ITGB1: variants seen among roughly 807,000 people sequenced by gnomAD.
ITGB1 encodes the protein integrin subunit beta 1.
A neutral mutation model predicts 86.5 loss-of-function variants in ITGB1; 24 were observed. The ratio of observed to expected loss-of-function variants is 0.28; its 90% CI spans 0.20 to 0.39. ITGB1 has a LOEUF of 0.39. ITGB1 is among the 10% of genes least tolerant of loss of function. The pLI is 1.00. For missense variants in ITGB1, 556 were observed against 946.9 expected, an observed-to-expected ratio of 0.59 and a Z score of 5.42; for synonymous variants, 323 against 316.8, an observed-to-expected ratio of 1.02 and a Z score of -0.21.
chr10:32,948,646 G>C (rs2095036766), intron 1 of ITGB1, among the ~76,000 whole-genome samples: 2 of 152,310 alleles, frequency 1.3e-5, no homozygotes, highest in South Asian at 4.1e-4. Flanking sequence ...CAGGAGTGGA[G>C]AATGGGTTCC....
intron 1 of ITGB1, among the ~76,000 whole-genome samples, chr10:32,943,763 T>C (rs1019207616): frequency 2.0e-5 from 3 of 152,204 alleles, no homozygotes; most frequent in South Asian, 4.1e-4. Flanking sequence ...AGGCAGTTTA[T>C]TGGAAGGTGA....
chr10:32,947,325 T>C (rs1187068), intron 1 of ITGB1, among the ~76,000 whole-genome samples: 50,795 of 151,174 alleles, frequency 0.34, 10,849 homozygotes, highest in Non-Finnish European at 0.48. Context: ...AGAAAACTGC[T>C]AGACCAAGGT....
chr10:32,917,731 T>C (rs1219459511), intron 11 of ITGB1, among the ~76,000 whole-genome samples: 1 of 152,174 alleles, frequency 6.6e-6, no homozygotes, highest in Non-Finnish European at 1.5e-5. Context: ...TAGGTACACT[T>C]TTACACTGCT....
At chr10:32,918,248 A>C (rs2094938203) in intron 11 of ITGB1, among the ~76,000 whole-genome samples, 1 of 152,106 alleles carries the variant, frequency 6.6e-6, no homozygotes, top group African/African-American at 2.4e-5. Flanking sequence ...AATGTAAATG[A>C]CGAGTTAATG....
At position 32,922,266 on chromosome 10, in the gene ITGB1, A is replaced by T; in HGVS notation, c.1119T>A (p.Asp373Glu). The change falls in exon 9 of 16, where the codon GAT becomes GAA. Residue 373 changes from aspartate to glutamate, a missense_variant. Asp to Glu is a conservative substitution (Grantham distance 45, BLOSUM62 2). Around this residue, in one of 4 missense-constraint regions of ITGB1, gnomAD observed 330 missense variants for 531.5 expected, o/e 0.62. Transcript: ENST00000302278. ...NSSNVIQLII[D>E]AYNSLSSEVI... ...TTTAAGATGTACTCACATTGTATGC[A>T]TCAATGATCAACTGAATTACATTGC... 6.3e-7 allele frequency: 1 copy of T among 1,582,142 alleles called. No individual in the cohort carries two copies. The highest frequency in any genetic ancestry group is 8.7e-7 in the Non-Finnish European group (1 of 1,153,496).
chr10:32,904,003 CA>C (rs5784309), intron 15 of ITGB1, among the ~76,000 whole-genome samples: 19,671 of 93,600 alleles, frequency 0.21, 1,497 homozygotes, highest in East Asian at 0.3. Context: ...AAGGGAAGGA[CA>C]AAAAAAAAAA....
intron 15 of ITGB1, 74 bp from the exon 16 acceptor site, chr10:32,901,709 A>G: frequency 1.0e-6 from 1 of 997,858 alleles, no homozygotes; most frequent in South Asian, 1.4e-5. Flanking sequence ...TTATAAATCA[A>G]GACTAAAAGT....
chr10:32,951,788 T>G (rs2095043134), intron 1 of ITGB1: 1 of 152,162 alleles, frequency 6.6e-6, no homozygotes, highest in Non-Finnish European at 1.5e-5. Context: ...TGGGAACGGT[T>G]TTGGTTGAGA....
intron 3 of ITGB1, among the ~76,000 whole-genome samples, chr10:32,930,542 A>G (rs2094980083): frequency 6.6e-6 from 1 of 152,190 alleles, no homozygotes. Context: ...TGCATTTTTT[A>G]AAAGGACAAC....
Position 32,911,201 on chromosome 10 carries a change from A to G in ITGB1, c.1931+247T>C, listed in dbSNP as rs528017562. Among the ~76,000 whole-genome samples the G allele has an allele frequency of 1.3e-4, 20 of 152,348 alleles. No individual in the cohort carries two copies. In the South Asian group the frequency reaches 4.1e-3, roughly 32 times the overall value. ...TTGCCAAAATAAAGGTTACCATGTA[A>G]ATTCAATTATCTAGCACATTCAGAT... On this transcript the variant is annotated intron_variant, in intron 13 of 15. Coordinates refer to ENST00000302278, the MANE Select transcript of ITGB1 (RefSeq NM_002211.4).
At chr10:32,911,038 C>A (rs1192455247) in intron 13 of ITGB1, among the ~76,000 whole-genome samples, 1 of 152,100 alleles carries the variant, frequency 6.6e-6, no homozygotes, top group East Asian at 1.9e-4. Context: ...TGTGCTCGGC[C>A]AAAATCATAA....
intron 11 of ITGB1, among the ~76,000 whole-genome samples, chr10:32,918,246 T>C (rs1236472053): frequency 6.6e-6 from 1 of 152,048 alleles, no homozygotes; most frequent in Non-Finnish European, 1.5e-5. Context: ...CTAATGTAAA[T>C]GACGAGTTAA....
intron 6 of ITGB1, among the ~76,000 whole-genome samples, chr10:32,924,286 C>T (rs2094958396): frequency 6.6e-6 from 1 of 152,112 alleles, no homozygotes; most frequent in Non-Finnish European, 1.5e-5. Flanking sequence ...CATTCTAACT[C>T]CTCAATCAGT....
chr10:32,922,738 A>T lies in ITGB1; in HGVS notation c.943-3T>A. The stretch of plus-strand genomic sequence containing the variant: ...AGGTGAGCAATAGAAGGATAATCCT[A>T]AGAAATCAAGTAATATAATTTAGTA... On this transcript the variant is annotated splice_region_variant and splice_polypyrimidine_tract_variant and intron_variant, in intron 7 of 15. Transcript: ENST00000302278. 6.7e-7 allele frequency: 1 copy of T among 1,496,978 alleles called. No homozygotes were observed. Among genetic ancestry groups the T allele is most frequent in the Non-Finnish European group, 9.3e-7 (1 of 1,080,580 alleles). 92.7% of individuals were successfully genotyped at this position (1,496,978 alleles called of 1,614,324 possible). A position where few individuals can be genotyped will look rare whatever the true frequency, so the allele number is the denominator to read the frequency against.
At chr10:32,955,637 T>C (rs1191492460) in intron 1 of ITGB1, 1 of 152,218 alleles carries the variant, frequency 6.6e-6, no homozygotes, top group Non-Finnish European at 1.5e-5. Context: ...ACTGGCACCA[T>C]GTTAAGTTGT....
At chr10:32,907,224 T>G in intron 15 of ITGB1, 3 of 435,306 alleles carry the variant, frequency 6.9e-6, no homozygotes, top group South Asian at 2.2e-5. Flanking sequence ...ATAAATGTCT[T>G]TTTTTTTATT....
chr10:32,921,321 CAG>C (rs1449295520), intron 9 of ITGB1, among the ~76,000 whole-genome samples: 6 of 152,180 alleles, frequency 3.9e-5, no homozygotes, highest in East Asian at 3.9e-4. Flanking sequence ...TTATCTAAGA[CAG>C]GGGAGAATGG....
chr10:32,911,380 G>A, intron 13 of ITGB1, 68 bp downstream of exon 13: 2 of 1,360,396 alleles, frequency 1.5e-6, no homozygotes, highest in Non-Finnish European at 1.0e-6. Flanking sequence ...TCTGGTTCTA[G>A]AAACAATACA....
chr10:32,916,873 T>C lies in ITGB1; in HGVS notation c.1469+3012A>G, dbSNP rs568418475. Among the ~76,000 whole-genome samples, 850 of 151,902 alleles carry C rather than the reference T, an allele frequency of 5.6e-3. 17 individuals are homozygous for C. The highest frequency in any genetic ancestry group is 0.02 in the African/African-American group (817 of 41,382). On this transcript the variant is annotated intron_variant, in intron 11 of 15. Coordinates refer to ENST00000302278, the MANE Select transcript of ITGB1 (RefSeq NM_002211.4). ...GTTCATATGGAACCAAAAAAGAGCC[T>C]GCATTGCCAAGACAATCCTAAGCCA...
Sources: allele counts gnomAD v4.1 joint callset (sites outside exome capture counted in the v4.1 genomes callset), GRCh38; gene constraint gnomAD v4.1.1; regional missense constraint gnomAD v4.1.1; transcripts MANE v1.5; gene names NCBI Gene and HGNC (gene_info 2026-07-23, HGNC 2026-07-21).